Variants in RRN3 observed in about 807,000 individuals in gnomAD.
RRN3 encodes the protein RNA polymerase I-specific transcription initiation factor RRN3.
RRN3 carries 38 observed loss-of-function variants against 82.3 expected under a neutral mutation model. That is an observed-to-expected ratio of 0.46 (90% confidence interval 0.36 to 0.61). RRN3 has a LOEUF of 0.61. Among genes scored for constraint, RRN3 ranks in the 20% least tolerant of loss-of-function variants. RRN3 has a pLI of 0.00. For synonymous variants in RRN3, 284 were observed against 284.3 expected, an observed-to-expected ratio of 1.00 and a Z score of 0.01; for missense variants, 726 against 793.1, an observed-to-expected ratio of 0.92 and a Z score of 1.02.
intron 3 of RRN3, among the ~76,000 whole-genome samples, chr16:15,088,657 A>T (rs1439936830): frequency 2.0e-5 from 3 of 152,110 alleles, no homozygotes; most frequent in Non-Finnish European, 4.4e-5. Context: ...AGCTGTCTTT[A>T]AACAGTAACA....
chr16:15,064,589 C>A (rs1220001583), intron 16 of RRN3, among the ~76,000 whole-genome samples: 1 of 152,228 alleles, frequency 6.6e-6, no homozygotes, highest in East Asian at 1.9e-4. Context: ...CCTCCCCTAT[C>A]CTGGCACCAT....
chr16:15,094,242 A>G lies in RRN3; in HGVS notation c.-9T>C. On this transcript the variant is annotated 5_prime_UTR_variant, in exon 1 of 18. Coordinates refer to ENST00000198767, the MANE Select transcript of RRN3 (RefSeq NM_018427.5). ...AGCAGCGGTGCCGCCATTGGGCCGA[A>G]CTAACGCGACCGCTGCGCCTCAGGC... 1.9e-6 allele frequency: 3 copies of G among 1,570,894 alleles called. No homozygotes were observed. Among genetic ancestry groups the G allele is most frequent in the Non-Finnish European group, 2.6e-6 (3 of 1,157,182 alleles).
chr16:15,065,099 G>T, intron 16 of RRN3, 120 bp downstream of exon 16: 1 of 997,760 alleles, frequency 1.0e-6, no homozygotes, highest in Non-Finnish European at 1.5e-6. Flanking sequence ...CCGGGAGGCG[G>T]AGCTTGCGGT....
chr16:15,092,014 T>TA (rs1039579793), intron 2 of RRN3, among the ~76,000 whole-genome samples: 1 of 151,912 alleles, frequency 6.6e-6, no homozygotes, highest in African/African-American at 2.4e-5. Context: ...CTGCCTCTAC[T>TA]AAAAAAATAA....
At chr16:15,072,205 G>A (rs1300572165) in intron 12 of RRN3, among the ~76,000 whole-genome samples, 1 of 148,446 alleles carries the variant, frequency 6.7e-6, no homozygotes, top group East Asian at 2.0e-4. Context: ...CCACAAAATC[G>A]TTGCAGAGAA....
intron 2 of RRN3, among the ~76,000 whole-genome samples, chr16:15,091,824 T>C (rs978370986): frequency 6.6e-6 from 1 of 152,080 alleles, no homozygotes; most frequent in African/African-American, 2.4e-5. Context: ...AAAACAAAAA[T>C]CCCTACTCAG....
chr16:15,075,850 G>C (rs1028433519), intron 10 of RRN3, among the ~76,000 whole-genome samples: 7 of 152,138 alleles, frequency 4.6e-5, no homozygotes, highest in African/African-American at 9.7e-5. Context: ...ACTGCTGTGA[G>C]TACTGGCGGC....
In RRN3 at chr16:15,085,714, G is replaced by C. The variant is rs1298176381; in HGVS notation, c.473-16C>G. 1 of 1,612,538 alleles carries C rather than the reference G, an allele frequency of 6.2e-7. No homozygotes were observed. Among genetic ancestry groups the C allele is most frequent in the African/African-American group, 1.3e-5 (1 of 74,824 alleles). On this transcript the variant is annotated splice_polypyrimidine_tract_variant and intron_variant, in intron 5 of 17. Transcript: ENST00000198767. ...ATCACTCGGGCTTTTGAGGGAAAAA[G>C]AAAATATGTTATTCTGTCATTGATC... is the stretch of plus-strand genomic sequence containing the variant.
At chr16:15,088,603 GA>G (rs879428384) in intron 3 of RRN3, among the ~76,000 whole-genome samples, 228 of 152,148 alleles carry the variant, frequency 1.5e-3, no homozygotes, top group Non-Finnish European at 2.7e-3. Context: ...ATCTGGGAAA[GA>G]AGGCAGGGGT....
intron 11 of RRN3, among the ~76,000 whole-genome samples, chr16:15,073,301 A>C (rs1231726156): frequency 6.6e-6 from 1 of 152,190 alleles, no homozygotes; most frequent in East Asian, 1.9e-4. Context: ...TCTACAAAAA[A>C]TCAAAAAATT....
chr16:15,079,646 G>A (rs1412470493), intron 9 of RRN3, among the ~76,000 whole-genome samples: 1 of 151,310 alleles, frequency 6.6e-6, no homozygotes, highest in Admixed American at 6.6e-5. Context: ...AGGCTGGAGT[G>A]CAGTGGCACG....
At position 15,070,234 on chromosome 16, in the gene RRN3, T is replaced by C; in HGVS notation, c.1280A>G (p.Asp427Gly). 1 of 1,611,172 alleles carries C rather than the reference T, an allele frequency of 6.2e-7. No homozygotes were observed. The highest frequency in any genetic ancestry group is 8.5e-7 in the Non-Finnish European group (1 of 1,179,728). ...TATGTGCAGCCAGTTAACCAAAAGA[T>C]CTAGGCATGATTTTACAGTACTAGA... is the stretch of plus-strand genomic sequence containing the variant. The part of the protein sequence containing the change: ...IPLITVKSCL[D>G]LLVNWLHIYL... The change falls in exon 14 of 18, where the codon GAT becomes GGT. Residue 427 changes from aspartate (D) to glycine (G), a missense_variant. Around this residue, in one of 4 missense-constraint regions of RRN3, gnomAD observed 81 missense variants for 156.4 expected, o/e 0.52. Coordinates refer to ENST00000198767, the MANE Select transcript of RRN3 (RefSeq NM_018427.5).
At chr16:15,062,189 CT>C in intron 17 of RRN3, among the ~76,000 whole-genome samples, 1 of 152,248 alleles carries the variant, frequency 6.6e-6, no homozygotes, top group South Asian at 2.1e-4. Context: ...CTGATAAGCA[CT>C]TCCTTCTTAC....
rs547523775 is a variant in RRN3 at position 15,093,113 on chromosome 16, T to C, written c.90-499A>G. Reference sequence around the variant, plus strand: ...TCCATCTCCCGGGTTCAAGCAATTATCCTGCCTCAGCCTCCTGAGTAGCTG... The same window carrying C: ...TCCATCTCCCGGGTTCAAGCAATTACCCTGCCTCAGCCTCCTGAGTAGCTG... On this transcript the variant is annotated intron_variant, in intron 1 of 17. Coordinates refer to ENST00000198767, the MANE Select transcript of RRN3 (RefSeq NM_018427.5). Among the ~76,000 whole-genome samples the C allele has an allele frequency of 1.1e-4, 16 of 152,218 alleles. No homozygotes were observed. The South Asian group carries it at 2.7e-3, about 26-fold the overall frequency.
At chr16:15,083,746 C>T (rs557971350) in intron 7 of RRN3, 164 bp from the exon 8 acceptor site, 25 of 905,130 alleles carry the variant, frequency 2.8e-5, no homozygotes, top group African/African-American at 1.7e-4. Context: ...GACGGAGTTT[C>T]GCTCTTGTTG....
rs1555464252 is a variant in RRN3 at position 15,092,533 on chromosome 16, T to C, written c.171A>G (p.Thr57=). ...RKTVRFGGTV[T]EVLLKYKKGE... ...CCTTTTTGTACTTCAGCAAGACTTC[T>C]GTCACAGTTCCACCAAACCGAACAG... The change falls in exon 2 of 18, where the codon ACA becomes ACG. Residue 57 remains threonine (T), a synonymous_variant. Transcript: ENST00000198767. The C allele has an allele frequency of 6.2e-7, 1 of 1,612,950 alleles. No individual in the cohort carries two copies. Among genetic ancestry groups the C allele is most frequent in the Non-Finnish European group, 8.5e-7 (1 of 1,178,920 alleles).
At chr16:15,064,440 G>A (rs2044866466) in intron 16 of RRN3, among the ~76,000 whole-genome samples, 1 of 152,144 alleles carries the variant, frequency 6.6e-6, no homozygotes, top group Admixed American at 6.5e-5. Flanking sequence ...CTCCCAAAGT[G>A]CTGGGATTAC....
chr16:15,063,606 G>A (rs1258686200), intron 16 of RRN3, among the ~76,000 whole-genome samples: 1 of 150,450 alleles, frequency 6.6e-6, no homozygotes, highest in Non-Finnish European at 1.5e-5. Flanking sequence ...TACTCGGGAG[G>A]CTGAGGCAGA....
Position 15,061,834 on chromosome 16 carries a change from G to T in RRN3, c.1866C>A (p.Ile622=), listed in dbSNP as rs889792291. ...AATGCGTGTCAAAGGAGCTTGGTGT[G>T]ATCCCAATCACGGTATCATTCTGGG... ...EVPQNDTVIG[I]TPSSFDTHFR... is the part of the protein sequence containing the mutation. The change falls in exon 18 of 18, where the codon ATC becomes ATA. Residue 622 remains isoleucine (I), a synonymous_variant. Transcript: ENST00000198767. The T allele has an allele frequency of 6.2e-7, 1 of 1,614,096 alleles. No homozygotes were observed. The highest frequency in any genetic ancestry group is 8.5e-7 in the Non-Finnish European group (1 of 1,179,922).
Sources: gnomAD v4.1 joint callset for allele counts (sites outside exome capture counted in the v4.1 genomes callset) on GRCh38, gnomAD v4.1.1 for gene constraint, gnomAD v4.1.1 regional missense constraint, MANE v1.5 for transcripts, NCBI Gene and HGNC (gene_info 2026-07-23, HGNC 2026-07-21) for gene names.